Variants in TRIM41 observed in about 807,000 individuals in gnomAD.
TRIM41 encodes E3 ubiquitin-protein ligase TRIM41.
Under a neutral mutation model 60.6 loss-of-function variants are expected in TRIM41, and 21 were observed. The ratio of observed to expected loss-of-function variants is 0.35; its 90% CI spans 0.25 to 0.50. TRIM41 has a LOEUF of 0.50. Ranked by LOEUF, TRIM41 falls within the 20% of genes least tolerant of loss-of-function variation. The probability of loss-of-function intolerance (pLI) is 0.98; values close to 1 mark genes in which losing one functional copy is unlikely to be tolerated. For missense variants in TRIM41, 846 were observed against 868.3 expected (o/e 0.97, Z 0.32); for synonymous variants, 407 against 344.9 (o/e 1.18, Z -2.00).
Position 181,223,900 on chromosome 5 carries a change from C to A in TRIM41, c.-100C>A. 2 of 1,267,040 alleles carry A rather than the reference C, an allele frequency of 1.6e-6. No homozygotes were observed. Among genetic ancestry groups the A allele is most frequent in the Admixed American group, 2.2e-5 (1 of 44,910 alleles). 78.5% of individuals were successfully genotyped at this position (1,267,040 alleles called of 1,614,324 possible). A position where few individuals can be genotyped will look rare whatever the true frequency, so the allele number is the denominator to read the frequency against. ...GCTCTTGGGGCGAGGTGTGGAGGGG[C>A]AGGGCTGGGGGTGGAGCCGGGTCGC... On this transcript the variant is annotated 5_prime_UTR_variant, in exon 1 of 6. Coordinates refer to ENST00000315073, the MANE Select transcript of TRIM41 (RefSeq NM_033549.5).
intron 1 of TRIM41, chr5:181,225,717 T>C (rs758117905): frequency 2.0e-5 from 3 of 152,278 alleles, no homozygotes; most frequent in Non-Finnish European, 4.4e-5. Context: ...ACTTTTCTGA[T>C]GTGACTTTCT....
chr5:181,231,252 C>CG (rs1758785412), intron 2 of TRIM41: 1 of 204,528 alleles, frequency 4.9e-6, no homozygotes, highest in South Asian at 8.7e-5. Context: ...TTGCTGTGTC[C>CG]TGAGAGGGGG....
chr5:181,234,086 G>A lies in TRIM41; in HGVS notation c.1292-88G>A, dbSNP rs533194950. 5.6e-6 allele frequency: 9 copies of A among 1,593,852 alleles called. No homozygotes were observed. Among genetic ancestry groups the A allele is most frequent in the Middle Eastern group, 1.7e-4 (1 of 5,846 alleles). On this transcript the variant is annotated intron_variant, in intron 5 of 5. Transcript: ENST00000315073. The surrounding 1 kb of genome is among the most constrained non-coding windows in gnomAD (Gnocchi z 5.6). Reference sequence around the variant, plus strand: ...GATGGTGTGGGGAGCTGGATTCAGGGAGAAAGGGGGCCCAATCTGTGGAGT... The same window carrying A: ...GATGGTGTGGGGAGCTGGATTCAGGAAGAAAGGGGGCCCAATCTGTGGAGT...
rs1222422867 is a variant in TRIM41, at chr5:181,235,367, T to C, written c.*592T>C. The C allele has an allele frequency of 6.2e-7, 1 of 1,614,120 alleles. No individual in the cohort carries two copies. Among genetic ancestry groups the C allele is most frequent in the Non-Finnish European group, 8.5e-7 (1 of 1,180,044 alleles). On this transcript the variant is annotated 3_prime_UTR_variant, in exon 6 of 6. Coordinates refer to ENST00000315073, the MANE Select transcript of TRIM41 (RefSeq NM_033549.5). ...CTACCTCCATAGACCGGCCAGAATTTAGCTTCACTTGAGAGAGATCTGGAA... is the reference window on the plus strand; with the variant it reads ...CTACCTCCATAGACCGGCCAGAATTCAGCTTCACTTGAGAGAGATCTGGAA...
Position 181,234,627 on chromosome 5 carries a change from A to G in TRIM41, c.1745A>G (p.Tyr582Cys). ...GAGAAACCAAGGCGCTTTGGTGTGT[A>G]CCTGGACTATGAAGCTGGGCGCCTG... ...PSEKPRRFGV[Y>C]LDYEAGRLGF... Residue 582 changes from tyrosine (Y) to cysteine (C), a missense_variant, in exon 6 of 6, where the codon TAC becomes TGC. Coordinates refer to ENST00000315073, the MANE Select transcript of TRIM41 (RefSeq NM_033549.5). The surrounding 1 kb of genome is among the most constrained non-coding windows in gnomAD (Gnocchi z 5.6). 6.2e-7 allele frequency: 1 copy of G among 1,614,046 alleles called. No homozygotes were observed. Among genetic ancestry groups the G allele is most frequent in the Non-Finnish European group, 8.5e-7 (1 of 1,179,876 alleles).
rs1403578142 is a variant in TRIM41 at position 181,223,796 on chromosome 5, C to T, written c.-204C>T. 4.8e-6 allele frequency: 3 copies of T among 624,010 alleles called. No individual in the cohort carries two copies. Among genetic ancestry groups the T allele is most frequent in the East Asian group, 2.7e-5 (1 of 36,474 alleles). The allele number at this position is 624,010 out of a possible 1,614,324, so 38.7% of individuals were successfully genotyped here. A position where few individuals can be genotyped will look rare whatever the true frequency, so the allele number is the denominator to read the frequency against. ...GGTGGCGCCCAGCACTGTCCCCTCC[C>T]CTCGTAGAGACACGGTTGTCGTTTG... On this transcript the variant is annotated 5_prime_UTR_variant, in exon 1 of 6. Coordinates refer to ENST00000315073, the MANE Select transcript of TRIM41 (RefSeq NM_033549.5).
chr5:181,234,814 G>A lies in TRIM41; in HGVS notation c.*39G>A, dbSNP rs760743650. 6.2e-7 allele frequency: 1 copy of A among 1,605,588 alleles called. No homozygotes were observed. Among genetic ancestry groups the A allele is most frequent in the Non-Finnish European group, 8.5e-7 (1 of 1,175,706 alleles). On this transcript the variant is annotated 3_prime_UTR_variant, in exon 6 of 6. Coordinates refer to ENST00000315073, the MANE Select transcript of TRIM41 (RefSeq NM_033549.5). The surrounding 1 kb of genome is among the most constrained non-coding windows in gnomAD (Gnocchi z 5.6). ...CGCAGGGGCCCCTCTGTCAGCACTT[G>A]GGGGGTGGGTGGTGGAGGGTGGCCC...
At chr5:181,224,989 G>C in intron 1 of TRIM41, 177 bp downstream of exon 1, 5 of 764,940 alleles carry the variant, frequency 6.5e-6, no homozygotes, top group Non-Finnish European at 1.0e-5. Flanking sequence ...GAAGGATTCT[G>C]TACACAGAGC....
Position 181,234,448 on chromosome 5 carries a change from C to T in TRIM41, c.1566C>T (p.Ser522=), listed in dbSNP as rs369021443. The change falls in exon 6 of 6, where the codon AGC becomes AGT. Residue 522 remains serine (S), a synonymous_variant. Coordinates refer to ENST00000315073, the MANE Select transcript of TRIM41 (RefSeq NM_033549.5). This position sits in a 1 kb window ranked among gnomAD's most constrained non-coding sequence, Gnocchi z 5.6. The part of the protein sequence containing the change: ...KVGPGGSSVG[S]GDASSSRHHH... ...GCCCTGGGGGTTCCTCCGTGGGCAG[C>T]GGGGATGCCAGCTCCTCGCGCCATC... is the stretch of plus-strand genomic sequence containing the variant. 8.4e-5 allele frequency: 135 copies of T among 1,610,070 alleles called. No individual in the cohort carries two copies. The highest frequency in any genetic ancestry group is 6.7e-4 in the Middle Eastern group (4 of 5,956).
Position 181,232,672 on chromosome 5 carries a change from C to A in TRIM41, c.923C>A (p.Ser308Ter). 6.2e-7 allele frequency: 1 copy of A among 1,613,906 alleles called. No homozygotes were observed. Among genetic ancestry groups the A allele is most frequent in the South Asian group, 1.1e-5 (1 of 91,032 alleles). ...GCACCATTCCAGAGCCAGATGAAGTCAGAGCTGGCAGCGGTGGCCTCGGAG... is the reference window on the plus strand; with the variant it reads ...GCACCATTCCAGAGCCAGATGAAGTAAGAGCTGGCAGCGGTGGCCTCGGAG... ...RVTELKSQMK[S>*]ELAAVASEFG... Residue 308 changes from serine to a stop codon, truncating the protein, a stop_gained, in exon 3 of 6, where the codon TCA (serine) becomes TAA (stop). Transcript: ENST00000315073. LOFTEE classifies it high-confidence loss of function.
At chr5:181,232,617 C>A in intron 2 of TRIM41, 42 bp from the exon 3 acceptor site, 1 of 1,571,188 alleles carries the variant, frequency 6.4e-7, no homozygotes, top group Non-Finnish European at 8.7e-7. Flanking sequence ...TATCTTCGTA[C>A]GTGTTGAGGT....
chr5:181,223,733 G>T lies in TRIM41; in HGVS notation c.-267G>T. ...TTATGAGGAGTCCAAGGGAGCATTG[G>T]GGCAGACTTGTACTCAGAGCCACCT... On this transcript the variant is annotated 5_prime_UTR_variant, in exon 1 of 6. Coordinates refer to ENST00000315073, the MANE Select transcript of TRIM41 (RefSeq NM_033549.5). 1 of 585,450 alleles carries T rather than the reference G, an allele frequency of 1.7e-6. No homozygotes were observed. The highest frequency in any genetic ancestry group is 2.1e-5 in the South Asian group (1 of 47,674). 36.3% of individuals were successfully genotyped at this position (585,450 alleles called of 1,614,324 possible). A position where few individuals can be genotyped will look rare whatever the true frequency, so the allele number is the denominator to read the frequency against.
rs139355777 is a variant in TRIM41 at position 181,232,783 on chromosome 5, G to T, written c.1034G>T (p.Arg345Leu). 1 of 1,611,422 alleles carries T rather than the reference G, an allele frequency of 6.2e-7. No individual in the cohort carries two copies. Among genetic ancestry groups the T allele is most frequent in the South Asian group, 1.1e-5 (1 of 90,814 alleles). Residue 345 changes from arginine to leucine, a missense_variant, in exon 3 of 6, where the codon CGT becomes CTT. Physicochemically the swap from Arg to Leu is moderately radical, Grantham distance 102 (BLOSUM62 -2). Coordinates refer to ENST00000315073, the MANE Select transcript of TRIM41 (RefSeq NM_033549.5). ...GAGATGCATGAAGCCCAGCTGGGGC[G>T]TGCGGGAGCCGCGGCTAGTCGCCTT... The part of the protein sequence containing the change: ...LREMHEAQLG[R>L]AGAAASRLAE...
intron 2 of TRIM41, 49 bp downstream of exon 2, chr5:181,230,888 G>A: frequency 6.5e-7 from 1 of 1,546,204 alleles, no homozygotes; most frequent in Non-Finnish European, 8.9e-7. Flanking sequence ...GTCGAGGCAA[G>A]GAAGGTAGGG....
At position 181,234,516 on chromosome 5, in the gene TRIM41, T is replaced by A. The variant is rs776947923; in HGVS notation, c.1634T>A (p.Leu545His). The change falls in exon 6 of 6, where the codon CTC becomes CAC. Residue 545 changes from leucine (L) to histidine (H), a missense_variant. Coordinates refer to ENST00000315073, the MANE Select transcript of TRIM41 (RefSeq NM_033549.5). The surrounding 1 kb of genome is among the most constrained non-coding windows in gnomAD (Gnocchi z 5.6). The stretch of plus-strand genomic sequence containing the variant: ...CTCCACCTGCCCCAGCAGCCCCTGC[T>A]CCAGCGGGAAGTGTGGTGCGTGGGC... The part of the protein sequence containing the change: ...RRLHLPQQPL[L>H]QREVWCVGTN... 18 of 1,613,914 alleles carry A rather than the reference T, an allele frequency of 1.1e-5. No individual in the cohort carries two copies. The highest frequency in any genetic ancestry group is 1.4e-5 in the Non-Finnish European group (17 of 1,179,962).
In TRIM41 at chr5:181,235,446, T is replaced by C. The variant is rs1010244397; in HGVS notation, c.*671T>C. ...TTACATCATCATTACATTAATTACA[T>C]CAACATAAATTATTTCTTCCCCCTT... On this transcript the variant is annotated 3_prime_UTR_variant, in exon 6 of 6. Transcript: ENST00000315073. 6.2e-7 allele frequency: 1 copy of C among 1,609,790 alleles called. No homozygotes were observed. Among genetic ancestry groups the C allele is most frequent in the Non-Finnish European group, 8.5e-7 (1 of 1,177,018 alleles).
At position 181,234,830 on chromosome 5, in the gene TRIM41, A is replaced by G. The variant is rs2113194777; in HGVS notation, c.*55A>G. On this transcript the variant is annotated 3_prime_UTR_variant, in exon 6 of 6. Coordinates refer to ENST00000315073, the MANE Select transcript of TRIM41 (RefSeq NM_033549.5). The surrounding 1 kb of genome is among the most constrained non-coding windows in gnomAD (Gnocchi z 5.6). The stretch of plus-strand genomic sequence containing the variant: ...TCAGCACTTGGGGGGTGGGTGGTGG[A>G]GGGTGGCCCGTAAGTTTGAGGGCTC... 1 of 1,606,278 alleles carries G rather than the reference A, an allele frequency of 6.2e-7. No homozygotes were observed. The highest frequency in any genetic ancestry group is 1.3e-5 in the African/African-American group (1 of 74,728).
At position 181,233,128 on chromosome 5, in the gene TRIM41, G is replaced by T; in HGVS notation, c.1140+239G>T. 3 of 714,682 alleles carry T rather than the reference G, an allele frequency of 4.2e-6. No individual in the cohort carries two copies. The highest frequency in any genetic ancestry group is 7.6e-6 in the Non-Finnish European group (3 of 395,900). 44.3% of individuals were successfully genotyped at this position (714,682 alleles called of 1,614,324 possible). ...GGTTGTAGGAGAGGTTTAAATGACAGTTGAGGAAAGTCTTTTTGACAGTGA... is the reference window on the plus strand; with the variant it reads ...GGTTGTAGGAGAGGTTTAAATGACATTTGAGGAAAGTCTTTTTGACAGTGA... On this transcript the variant is annotated intron_variant, in intron 3 of 5. Coordinates refer to ENST00000315073, the MANE Select transcript of TRIM41 (RefSeq NM_033549.5). This position sits in a 1 kb window ranked among gnomAD's most constrained non-coding sequence, Gnocchi z 4.1.
chr5:181,228,821 C>T (rs773480824), intron 1 of TRIM41: 1 of 149,840 alleles, frequency 6.7e-6, no homozygotes, highest in Non-Finnish European at 1.5e-5. Flanking sequence ...TTAATCTCAG[C>T]TACTCGGGAG....
Sources: gnomAD v4.1 joint callset for allele counts on GRCh38, gnomAD v4.1.1 for gene constraint, Gnocchi (gnomAD v3.1) non-coding constraint, MANE v1.5 for transcripts, NCBI Gene and HGNC (gene_info 2026-07-23, HGNC 2026-07-21) for gene names.